The following HPS5 variants were observed in gnomAD, a reference collection of about 807,000 sequenced individuals.
HPS5 encodes the protein HPS5 biogenesis of lysosomal organelles complex 2 subunit 2.
In HPS5, 83 loss-of-function variants were observed where a neutral mutation model predicts 128.0. That is an observed-to-expected ratio of 0.65 (90% CI 0.54 to 0.78). The LOEUF (loss-of-function observed/expected upper bound fraction) is 0.78, where lower values mean the gene tolerates loss of function less well. Among genes scored for constraint, HPS5 ranks in the 30% least tolerant of loss-of-function variants. HPS5 has a pLI of 0.00. For synonymous variants in HPS5, 475 were observed against 470.2 expected (o/e 1.01, Z -0.13); for missense variants, 1,281 against 1,326.2 (o/e 0.97, Z 0.53).
In HPS5 at chr11:18,278,735, C is replaced by G; in HGVS notation, c.*1147G>C. Reference sequence around the variant, plus strand: ...TTTCTGCAAAATGCTCATAATAAACCTCCTGTCTACATTGTGTTCCAATGA... The same window carrying G: ...TTTCTGCAAAATGCTCATAATAAACGTCCTGTCTACATTGTGTTCCAATGA... On this transcript the variant is annotated 3_prime_UTR_variant, in exon 23 of 23. Coordinates refer to ENST00000349215, the MANE Select transcript of HPS5 (RefSeq NM_181507.2). 1 of 152,352 alleles carries G rather than the reference C, an allele frequency of 6.6e-6. No individual in the cohort carries two copies. The highest frequency in any genetic ancestry group is 6.5e-5 in the Admixed American group (1 of 15,294). The allele number at this position is 152,352 out of a possible 1,614,324, so 9.4% of individuals were successfully genotyped here.
upstream of HPS5, chr11:18,322,147 G>A (rs4150530): frequency 6.6e-6 from 1 of 152,252 alleles, no homozygotes; most frequent in Non-Finnish European, 1.5e-5. Context: ...CACTAAGAGC[G>A]GAACGTGAAC....
intron 2 of HPS5, 134 bp downstream of exon 2, chr11:18,317,617 T>C (rs1426804638): frequency 5.9e-6 from 5 of 843,342 alleles, no homozygotes; most frequent in East Asian, 5.3e-5. Context: ...TCTTCTTTTT[T>C]TTCCCCCACA....
intron 3 of HPS5, 113 bp downstream of exon 3, chr11:18,311,801 G>T (rs570723980): frequency 2.3e-6 from 2 of 875,996 alleles, no homozygotes; most frequent in African/African-American, 1.7e-5. Context: ...GTGAGACACC[G>T]CACCAAGCCA....
intron 3 of HPS5, 44 bp from the exon 4 acceptor site, chr11:18,311,495 CATTATT>C (rs59102347): frequency 2.5e-5 from 16 of 643,918 alleles, no homozygotes; most frequent in South Asian, 1.6e-4. Flanking sequence ...TCAAGTTTTA[CATTATT>C]ATTATTATTA....
intron 8 of HPS5, among the ~76,000 whole-genome samples, chr11:18,304,634 GGTTA>G (rs1263958650): frequency 6.6e-6 from 1 of 152,128 alleles, no homozygotes; most frequent in African/African-American, 2.4e-5. Context: ...CACAAAGAGT[GGTTA>G]GTTAGCCTTT....
intron 16 of HPS5, among the ~76,000 whole-genome samples, chr11:18,291,120 A>C (rs1349324105): frequency 6.6e-6 from 1 of 152,224 alleles, no homozygotes; most frequent in Admixed American, 6.5e-5. Flanking sequence ...TGGGAGGCTG[A>C]GGCAAGACAA....
chr11:18,317,744 A>T lies in HPS5; in HGVS notation c.108+7T>A. The T allele has an allele frequency of 2.5e-6, 4 of 1,612,898 alleles. No homozygotes were observed. Among genetic ancestry groups the T allele is most frequent in the Non-Finnish European group, 3.4e-6 (4 of 1,179,434 alleles). ...AATGAAACTGATACAAGGATCAAGA[A>T]ATTCACCTTTAGACGACTGGAGTCC... On this transcript the variant is annotated splice_region_variant and intron_variant, in intron 2 of 22. Coordinates refer to ENST00000349215, the MANE Select transcript of HPS5 (RefSeq NM_181507.2).
At chr11:18,294,926 C>T (rs949683253) in intron 14 of HPS5, 94 bp downstream of exon 14, 21 of 1,348,312 alleles carry the variant, frequency 1.6e-5, no homozygotes, top group Middle Eastern at 2.0e-4. Flanking sequence ...ATGAGGCCCA[C>T]GGGCCACAGG....
Position 18,297,692 on chromosome 11 carries a change from T to G in HPS5, c.1190A>C (p.Lys397Thr). 1.9e-6 allele frequency: 3 copies of G among 1,614,132 alleles called. No individual in the cohort carries two copies. The South Asian group carries it at 3.3e-5, about 18-fold the overall frequency. ...SRARKTLTAD[K>T]LEHLKSQLDH... ...CAGCTGAGATTTCAAATGCTCCAAT[T>G]TATCTGCAGTCAAAGTTTTTCTTGC... Residue 397 changes from lysine to threonine, a missense_variant, in exon 11 of 23, where the codon AAA (lysine) becomes ACA (threonine). Physicochemically the swap from Lys to Thr is moderately conservative, Grantham distance 78. Coordinates refer to ENST00000349215, the MANE Select transcript of HPS5 (RefSeq NM_181507.2).
rs766940258 is a variant in HPS5 at position 18,291,453 on chromosome 11, T to C, written c.2429A>G (p.Glu810Gly). The change falls in exon 16 of 23, where the codon GAA (glutamate) becomes GGA (glycine). Residue 810 changes from glutamate to glycine, a missense_variant. Coordinates refer to ENST00000349215, the MANE Select transcript of HPS5 (RefSeq NM_181507.2). ...NSPSVWDTFIEGLKEMASSNP... is the reference protein window; with the variant it reads ...NSPSVWDTFIGGLKEMASSNP... The stretch of plus-strand genomic sequence containing the variant: ...AATCTGAGTATTACCTTTCAATCCT[T>C]CAATAAAAGTATCCCAAACAGAAGG... The C allele has an allele frequency of 1.9e-6, 3 of 1,597,048 alleles. No individual in the cohort carries two copies. The highest frequency in any genetic ancestry group is 2.6e-6 in the Non-Finnish European group (3 of 1,164,604).
At chr11:18,285,142 T>TAA (rs532196282) in intron 20 of HPS5, among the ~76,000 whole-genome samples, 8 of 126,034 alleles carry the variant, frequency 6.3e-5, no homozygotes, top group South Asian at 2.5e-4. Flanking sequence ...TAAGGCTATT[T>TAA]AAAAAAAAAA....
At chr11:18,311,762 T>C in intron 3 of HPS5, 152 bp downstream of exon 3, 2 of 716,556 alleles carry the variant, frequency 2.8e-6, no homozygotes, top group Non-Finnish European at 5.0e-6. Flanking sequence ...CCATCCGCCT[T>C]GGCCTCCCAA....
chr11:18,301,097 T>C (rs562091604), intron 8 of HPS5, among the ~76,000 whole-genome samples, 181 bp from the exon 9 acceptor site: 1 of 152,242 alleles, frequency 6.6e-6, no homozygotes, highest in South Asian at 2.1e-4. Flanking sequence ...AGCCCACTAA[T>C]AAATAGCATA....
chr11:18,311,794 A>C, intron 3 of HPS5, 120 bp downstream of exon 3: 1 of 833,912 alleles, frequency 1.2e-6, no homozygotes, highest in Non-Finnish European at 2.1e-6. Flanking sequence ...TACAGGCGTG[A>C]GACACCGCAC....
chr11:18,319,480 GA>G (rs892124887), intron 1 of HPS5, among the ~76,000 whole-genome samples: 3 of 151,758 alleles, frequency 2.0e-5, no homozygotes, highest in East Asian at 1.9e-4. Context: ...ATATAGAGAA[GA>G]AAAAAATGCA....
chr11:18,301,557 T>C (rs559300597), intron 8 of HPS5, among the ~76,000 whole-genome samples: 2 of 151,966 alleles, frequency 1.3e-5, no homozygotes, highest in African/African-American at 4.8e-5. Context: ...AGCTGAACTT[T>C]CCATACTGGA....
intron 3 of HPS5, 60 bp from the exon 4 acceptor site, chr11:18,311,511 A>ATTTTTTTTTTTTTTT (rs11376847): frequency 1.5e-5 from 8 of 531,944 alleles, no homozygotes; most frequent in South Asian, 3.4e-5. Flanking sequence ...TATTATTATT[A>ATTTTTTTTTTTTTTT]TTTTTTTTTT....
rs983144387 is a variant in HPS5 at position 18,297,054 on chromosome 11, C to T, written c.1324-70G>A. ...CTTTATAACGTTAATATAACTTCTG[C>T]AGAGAAATACCAACACTCAAATAGA... On this transcript the variant is annotated intron_variant, in intron 11 of 22. Transcript: ENST00000349215. 7.9e-5 allele frequency: 75 copies of T among 946,058 alleles called. No homozygotes were observed. The African/African-American group carries it at 1.2e-3, about 15-fold the overall frequency. 58.6% of individuals were successfully genotyped at this position (946,058 alleles called of 1,614,324 possible). A position where few individuals can be genotyped will look rare whatever the true frequency, so the allele number is the denominator to read the frequency against.
intron 18 of HPS5, among the ~76,000 whole-genome samples, chr11:18,287,077 G>C (rs1352537053): frequency 6.6e-6 from 1 of 152,058 alleles, no homozygotes; most frequent in Non-Finnish European, 1.5e-5. Context: ...TGGCAAATGT[G>C]AACCAATCAA....
Sources: gnomAD v4.1 joint callset for allele counts (sites outside exome capture counted in the v4.1 genomes callset) on GRCh38, gnomAD v4.1.1 for gene constraint, MANE v1.5 for transcripts, NCBI Gene and HGNC (gene_info 2026-07-23, HGNC 2026-07-21) for gene names.